The following LNX1 variants were observed in gnomAD, a reference collection of about 807,000 sequenced individuals.
LNX1 encodes ligand of numb-protein X 1.
In LNX1, 54 loss-of-function variants were observed where a neutral mutation model predicts 68.4. The observed-to-expected ratio is 0.79, with a 90% CI of 0.63 to 0.99. LNX1 has a LOEUF of 0.99. Among genes scored for constraint, LNX1 ranks in the 50% least tolerant of loss-of-function variants. The pLI is 0.00. For missense variants in LNX1, 906 were observed against 926.4 expected, an observed-to-expected ratio of 0.98 and a Z score of 0.29; for synonymous variants, 336 against 350.0, an observed-to-expected ratio of 0.96 and a Z score of 0.45.
rs1456989739 is a variant in LNX1 at position 53,464,978 on chromosome 4, GAT to G, written c.1893-3387_1893-3386del. Among the ~76,000 whole-genome samples the G allele has an allele frequency of 8.6e-4, 130 of 151,984 alleles. 3 individuals are homozygous for G. The highest frequency in any genetic ancestry group is 3.5e-4 in the Non-Finnish European group (24 of 67,968). On this transcript the variant is annotated intron_variant, in intron 9 of 10. Coordinates refer to ENST00000263925, the MANE Select transcript of LNX1 (RefSeq NM_001126328.3). ...CTATAAAATCTGTAAGATGTTTGATGATAACTTTTGCAGCTGTGCAATATCAA... is the reference window on the plus strand; with the variant it reads ...CTATAAAATCTGTAAGATGTTTGATGAACTTTTGCAGCTGTGCAATATCAA...
At chr4:53,543,654 T>G in intron 2 of LNX1, among the ~76,000 whole-genome samples, 1 of 152,212 alleles carries the variant, frequency 6.6e-6, no homozygotes, top group East Asian at 1.9e-4. Flanking sequence ...AATCTGTTTC[T>G]GTAAACCACT....
In LNX1 at chr4:53,496,274, C is replaced by G. The variant is rs765401736; in HGVS notation, c.1099G>C (p.Gly367Arg). 1 of 1,614,146 alleles carries G rather than the reference C, an allele frequency of 6.2e-7. No individual in the cohort carries two copies. The highest frequency in any genetic ancestry group is 1.1e-5 in the South Asian group (1 of 91,066). The stretch of plus-strand genomic sequence containing the variant: ...GGTCTGTAGGCATCCGGGGCCTGTC[C>G]ATTGTTCCTGCTGCGGAACTTCTGT... ...REQKFRSRNN[G>R]QAPDAYRPRD... Residue 367 changes from glycine to arginine, a missense_variant, in exon 6 of 11, where the codon GGA becomes CGA. Gly to Arg is a moderately radical substitution (Grantham distance 125). Coordinates refer to ENST00000263925, the MANE Select transcript of LNX1 (RefSeq NM_001126328.3).
At chr4:53,542,220 A>G (rs773476809) in intron 2 of LNX1, among the ~76,000 whole-genome samples, 4 of 152,234 alleles carry the variant, frequency 2.6e-5, no homozygotes, top group Non-Finnish European at 5.9e-5. Context: ...AGTAAAATTG[A>G]GTTTCCAGAA....
intron 9 of LNX1, among the ~76,000 whole-genome samples, chr4:53,466,642 T>C (rs1376842627): frequency 1.3e-5 from 2 of 152,332 alleles, no homozygotes; most frequent in South Asian, 2.1e-4. Context: ...TCCACCCTAA[T>C]ACTGTGCTGT....
At chr4:53,612,518 C>T (rs1733535793) in intron 2 of LNX1, among the ~76,000 whole-genome samples, 1 of 152,062 alleles carries the variant, frequency 6.6e-6, no homozygotes, top group Non-Finnish European at 1.5e-5. Flanking sequence ...TATGGCATAT[C>T]CATATGATGG....
intron 1 of LNX1, among the ~76,000 whole-genome samples, chr4:53,644,996 C>A (rs1734830148): frequency 6.6e-6 from 1 of 152,208 alleles, no homozygotes; most frequent in Non-Finnish European, 1.5e-5. Flanking sequence ...CTCCTCAATT[C>A]TTGCCAACAG....
In LNX1 at chr4:53,574,012, G is replaced by A. The variant is rs756886596; in HGVS notation, c.-10C>T. On this transcript the variant is annotated 5_prime_UTR_variant, in exon 2 of 11. Coordinates refer to ENST00000263925, the MANE Select transcript of LNX1 (RefSeq NM_001126328.3). ...ACTCTGGCTGGTTCATGATGGATTG[G>A]AGAGCAGTATAACAGGAAACTCAGT... 5 of 1,603,966 alleles carry A rather than the reference G, an allele frequency of 3.1e-6. No homozygotes were observed. The East Asian group carries it at 1.1e-4, about 36-fold the overall frequency.
intron 2 of LNX1, among the ~76,000 whole-genome samples, chr4:53,555,812 A>G (rs1421607436): frequency 1.3e-5 from 2 of 151,904 alleles, no homozygotes; most frequent in South Asian, 2.1e-4. Context: ...CTAGCATCAT[A>G]CTTTTATAGA....
In LNX1 at chr4:53,498,733, T is replaced by C; in HGVS notation, c.886A>G (p.Thr296Ala). Residue 296 changes from threonine to alanine, a missense_variant, in exon 5 of 11, where the codon ACC becomes GCC. Transcript: ENST00000263925. ...LSIRLVGGSE[T>A]PLVHIIIQHI... is the part of the protein sequence containing the mutation. Reference sequence around the variant, plus strand: ...TGGATAATGATATGGACCAGTGGGGTTTCGCTACCTCCCACCAGCCTAATA... The same window carrying C: ...TGGATAATGATATGGACCAGTGGGGCTTCGCTACCTCCCACCAGCCTAATA... 1.2e-6 allele frequency: 2 copies of C among 1,613,980 alleles called. No homozygotes were observed. Among genetic ancestry groups the C allele is most frequent in the Non-Finnish European group, 1.7e-6 (2 of 1,179,894 alleles).
chr4:53,495,463 CA>C (rs1724981166), intron 6 of LNX1, among the ~76,000 whole-genome samples: 1 of 151,788 alleles, frequency 6.6e-6, no homozygotes, highest in African/African-American at 2.4e-5. Flanking sequence ...CTTGGGTTTC[CA>C]AGTGCTTTCG....
intron 2 of LNX1, among the ~76,000 whole-genome samples, chr4:53,530,407 G>A (rs1446364516): frequency 1.3e-5 from 2 of 151,986 alleles, no homozygotes; most frequent in African/African-American, 4.8e-5. Context: ...TAAGAAAATT[G>A]TTTATCCTCA....
At position 53,526,081 on chromosome 4, in the gene LNX1, C is replaced by G. The variant is rs564432926; in HGVS notation, c.381-17854G>C. Among the ~76,000 whole-genome samples the G allele has an allele frequency of 5.4e-5, 8 of 148,770 alleles. No homozygotes were observed. The South Asian group carries it at 1.8e-3, about 33-fold the overall frequency. ...GACTTTGCTTAAAGGAAAAGCATTA[C>G]AGTATGTTTTGGGCACTTTCTAGAA... On this transcript the variant is annotated intron_variant, in intron 2 of 10. Transcript: ENST00000263925.
intron 2 of LNX1, among the ~76,000 whole-genome samples, chr4:53,513,747 T>A (rs1579446101): frequency 1.3e-5 from 2 of 152,368 alleles, no homozygotes; most frequent in Middle Eastern, 6.8e-3. Flanking sequence ...GCCTGGATTA[T>A]CCCAACAGTC....
At chr4:53,479,556 A>T (rs143475085) in intron 7 of LNX1, among the ~76,000 whole-genome samples, 19 of 152,330 alleles carry the variant, frequency 1.2e-4, no homozygotes, top group African/African-American at 4.6e-4. Flanking sequence ...GGAAAAAGAA[A>T]ATCATCTGTG....
chr4:53,489,657 A>G (rs6838260), intron 6 of LNX1, among the ~76,000 whole-genome samples: 59,611 of 152,032 alleles, frequency 0.39, 12,246 homozygotes, highest in South Asian at 0.59. Context: ...TGCACATAAT[A>G]TTCACTCATG....
chr4:53,474,772 TTC>T (rs1491101587), intron 9 of LNX1, among the ~76,000 whole-genome samples: 69 of 50,688 alleles, frequency 1.4e-3, no homozygotes, highest in Admixed American at 2.3e-3. Context: ...ACTCTACTTC[TTC>T]TTTTTTTTTT....
intron 2 of LNX1, among the ~76,000 whole-genome samples, chr4:53,511,176 C>T (rs1382155422): frequency 1.3e-5 from 2 of 152,188 alleles, no homozygotes; most frequent in Admixed American, 6.5e-5. Context: ...TAATGCAACT[C>T]ATACTGTGTA....
Position 53,541,147 on chromosome 4 carries a change from GA to G in LNX1, c.380+32475del, listed in dbSNP as rs772889036. On this transcript the variant is annotated intron_variant, in intron 2 of 10. Transcript: ENST00000263925. The stretch of plus-strand genomic sequence containing the variant: ...GCGAGACTCTAACTCAAAAAAAAAA[GA>G]AAAAAAAAAAAGAAAGAAAAGAAAA... 6.1e-4 allele frequency among the ~76,000 whole-genome samples: 88 copies of G among 144,032 alleles called. 2 individuals are homozygous for G. The highest frequency in any genetic ancestry group is 1.8e-3 in the African/African-American group (72 of 38,920). The allele number at this position is 144,032 out of a possible 152,430, so 94.5% of individuals were successfully genotyped here.
At chr4:53,523,293 T>C (rs1213573016) in intron 2 of LNX1, 1 of 152,230 alleles carries the variant, frequency 6.6e-6, no homozygotes, top group Admixed American at 6.5e-5. Flanking sequence ...GTTTGTTTGT[T>C]CTGAGACAAG....
Sources: gnomAD v4.1 joint callset for allele counts (sites outside exome capture counted in the v4.1 genomes callset) on GRCh38, gnomAD v4.1.1 for gene constraint, MANE v1.5 for transcripts, NCBI Gene and HGNC (gene_info 2026-07-23, HGNC 2026-07-21) for gene names.